The following ING5 variants were observed in gnomAD, a reference collection of about 807,000 sequenced individuals.
The protein encoded by ING5 is inhibitor of growth family member 5.
In ING5, 17 loss-of-function variants were observed where a neutral mutation model predicts 37.4. The ratio of observed to expected loss-of-function variants is 0.45; its 90% confidence interval spans 0.31 to 0.68. ING5 has a LOEUF of 0.68. Ranked by LOEUF, ING5 falls within the 30% of genes least tolerant of loss-of-function variation. The probability of loss-of-function intolerance (pLI) is 0.05; values close to 1 mark genes in which losing one functional copy is unlikely to be tolerated. For missense variants in ING5, 233 were observed against 311.9 expected (o/e 0.75, Z 1.91); for synonymous variants, 123 against 116.6 (o/e 1.06, Z -0.36).
At chr2:241,698,496 AGTGTGTGTGTGTGTGTGTGT>A (rs199798593), upstream of ING5, among the ~76,000 whole-genome samples, 9 of 147,526 alleles carry the variant, frequency 6.1e-5, no homozygotes, top group East Asian at 2.0e-4. Context: ...ATAATAGAGG[AGTGTGTGTGTGTGTGTGTGT>A]GTGTGTGTGT....
rs879342736 is a variant in ING5 at position 241,728,783 on chromosome 2, G to A, written c.*3752G>A. On this transcript the variant is annotated 3_prime_UTR_variant, in exon 8 of 8. Transcript: ENST00000313552. Reference sequence around the variant, plus strand: ...CTGCCTGAGCAGCAGCTGACCGCCCGTCTCACTGTTGGCCAGGGCTTTGTG... The same window carrying A: ...CTGCCTGAGCAGCAGCTGACCGCCCATCTCACTGTTGGCCAGGGCTTTGTG... 14 of 152,486 alleles carry A rather than the reference G, an allele frequency of 9.2e-5. No homozygotes were observed. The highest frequency in any genetic ancestry group is 7.7e-4 in the East Asian group (4 of 5,188). 9.4% of individuals were successfully genotyped at this position (152,486 alleles called of 1,614,324 possible). A position where few individuals can be genotyped will look rare whatever the true frequency, so the allele number is the denominator to read the frequency against.
chr2:241,701,070 C>T (rs1417002166), upstream of ING5, among the ~76,000 whole-genome samples: 4 of 150,110 alleles, frequency 2.7e-5, no homozygotes, highest in Non-Finnish European at 5.9e-5. Flanking sequence ...CTCCCGGGCT[C>T]AGCCTCCGGA....
chr2:241,724,212 A>G lies in ING5; in HGVS notation c.681-777A>G, dbSNP rs376363713. ...TATCCTTGGTGTTCGGTGTGAGGAC[A>G]CAGGGAAAGGATGCCGTGTCTCGGA... On this transcript the variant is annotated intron_variant, in intron 7 of 7. Transcript: ENST00000313552. Among the ~76,000 whole-genome samples, 6 of 152,110 alleles carry G rather than the reference A, an allele frequency of 3.9e-5. No homozygotes were observed. The South Asian group carries it at 1.3e-3, about 32-fold the overall frequency.
At position 241,711,481 on chromosome 2, in the gene ING5, G is replaced by A; in HGVS notation, c.381G>A (p.Gly127=). 2 of 1,596,886 alleles carry A rather than the reference G, an allele frequency of 1.3e-6. No homozygotes were observed. Among genetic ancestry groups the A allele is most frequent in the Admixed American group, 1.8e-5 (1 of 55,686 alleles). The change falls in exon 4 of 8, where the codon GGG becomes GGA. Residue 127 remains glycine, a synonymous_variant. Coordinates refer to ENST00000313552, the MANE Select transcript of ING5 (RefSeq NM_032329.6). ...GSDFESSGGR[G]LKKGRGQKEK... ...ATTTTGAAAGCTCCGGAGGGCGAGG[G>A]TTAAAAAGCAAGTCTGTTAATTTTT...
At chr2:241,687,186 T>C (rs903613062) in exon 1 of ING5, 1 of 393,994 alleles carries the variant, frequency 2.5e-6, no homozygotes, top group Non-Finnish European at 4.5e-6. Context: ...TCGGCTCTCG[T>C]TGGCCCCTGG....
exon 1 of ING5, chr2:241,687,406 TG>T (rs1015761991): frequency 1.3e-5 from 5 of 398,846 alleles, no homozygotes; most frequent in Non-Finnish European, 2.2e-5. Flanking sequence ...AGGGGCAGGA[TG>T]GGGGGCTGTG....
chr2:241,724,253 C>T (rs935105516), intron 7 of ING5, among the ~76,000 whole-genome samples: 2 of 152,178 alleles, frequency 1.3e-5, no homozygotes, highest in East Asian at 1.9e-4. Context: ...GCCGAGCTCA[C>T]GGTGTCATGT....
chr2:241,716,091 G>A (rs186269846), intron 5 of ING5, among the ~76,000 whole-genome samples: 178 of 151,788 alleles, frequency 1.2e-3, no homozygotes, highest in Non-Finnish European at 2.0e-3. Context: ...ATGAGCCACC[G>A]CACCCGGCCT....
intron 2 of ING5, among the ~76,000 whole-genome samples, chr2:241,705,272 G>T (rs988878580): frequency 8.6e-5 from 13 of 151,558 alleles, no homozygotes; most frequent in African/African-American, 2.9e-4. Context: ...TAGAGACGGG[G>T]TTTCACCGTG....
At position 241,726,382 on chromosome 2, in the gene ING5, G is replaced by A. The variant is rs893336787; in HGVS notation, c.*1351G>A. On this transcript the variant is annotated 3_prime_UTR_variant, in exon 8 of 8. Coordinates refer to ENST00000313552, the MANE Select transcript of ING5 (RefSeq NM_032329.6). ...CCTGTGTTTAATGTTTCACTAGGGA[G>A]AGGAAATAAAGCAGAAGGAACGTGT... The A allele has an allele frequency of 6.6e-6, 1 of 152,248 alleles. No individual in the cohort carries two copies. Among genetic ancestry groups the A allele is most frequent in the African/African-American group, 2.4e-5 (1 of 41,450 alleles). The allele number at this position is 152,248 out of a possible 1,614,324, so 9.4% of individuals were successfully genotyped here. A position where few individuals can be genotyped will look rare whatever the true frequency, so the allele number is the denominator to read the frequency against.
chr2:241,724,365 G>A (rs956788197), intron 7 of ING5, among the ~76,000 whole-genome samples: 3 of 152,236 alleles, frequency 2.0e-5, no homozygotes, highest in Non-Finnish European at 2.9e-5. Context: ...GAAGGGGTAC[G>A]GAGGCTGTTA....
At chr2:241,704,803 AG>A in intron 2 of ING5, 79 bp downstream of exon 2, 2 of 1,176,240 alleles carry the variant, frequency 1.7e-6, no homozygotes, top group Non-Finnish European at 1.3e-6. Context: ...CTGGGGGCAG[AG>A]GGTTTTGAGG....
At chr2:241,703,131 G>A (rs1185104263) in intron 1 of ING5, among the ~76,000 whole-genome samples, 1 of 152,198 alleles carries the variant, frequency 6.6e-6, no homozygotes, top group African/African-American at 2.4e-5. Context: ...CACGCTGGAG[G>A]GGAGGCCTTC....
chr2:241,693,132 G>A (rs535303881), intron 2 of ING5, among the ~76,000 whole-genome samples: 44 of 151,630 alleles, frequency 2.9e-4, no homozygotes, highest in Non-Finnish European at 5.2e-4. Flanking sequence ...GGTGACGGGC[G>A]CCTGTAATCC....
chr2:241,725,185 C>G lies in ING5; in HGVS notation c.*154C>G, dbSNP rs1298698623. Reference sequence around the variant, plus strand: ...TGGATGTTTCCTAGAACAAGAACCACCAAAGCCTGTTCGCACAGAAGGGCG... The same window carrying G: ...TGGATGTTTCCTAGAACAAGAACCAGCAAAGCCTGTTCGCACAGAAGGGCG... On this transcript the variant is annotated 3_prime_UTR_variant, in exon 8 of 8. Coordinates refer to ENST00000313552, the MANE Select transcript of ING5 (RefSeq NM_032329.6). The G allele has an allele frequency of 2.4e-6, 2 of 819,756 alleles. No homozygotes were observed. The highest frequency in any genetic ancestry group is 4.0e-6 in the Non-Finnish European group (2 of 497,830). The allele number at this position is 819,756 out of a possible 1,614,324, so 50.8% of individuals were successfully genotyped here. A position where few individuals can be genotyped will look rare whatever the true frequency, so the allele number is the denominator to read the frequency against.
upstream of ING5, chr2:241,702,038 C>G: frequency 7.3e-7 from 1 of 1,368,456 alleles, no homozygotes; most frequent in Non-Finnish European, 9.5e-7. Flanking sequence ...CCCGCCCGCG[C>G]AGACCCCGAG....
intron 5 of ING5, chr2:241,721,714 T>C (rs1358163588): frequency 2.0e-6 from 2 of 985,350 alleles, no homozygotes; most frequent in African/African-American, 3.5e-5. Flanking sequence ...TACTTTTTCT[T>C]TCTGTACTAA....
At chr2:241,696,418 C>T (rs554369388) in intron 2 of ING5, among the ~76,000 whole-genome samples, 1 of 151,564 alleles carries the variant, frequency 6.6e-6, no homozygotes, top group East Asian at 1.9e-4. Context: ...CAAAAACCCC[C>T]CAAAACAAAA....
In ING5 at chr2:241,720,132, G is replaced by C. The variant is rs529756393; in HGVS notation, c.483-2807G>C. 401 of 1,238,060 alleles carry C rather than the reference G, an allele frequency of 3.2e-4. 3 individuals are homozygous for C. In the South Asian group the frequency reaches 6.8e-3, roughly 21 times the overall value. 76.7% of individuals were successfully genotyped at this position (1,238,060 alleles called of 1,614,324 possible). ...AGACGGGTCATCCTGAGGACCAGTC[G>C]GTTGGACCCAAAGCCTGGCCTGCCG... On this transcript the variant is annotated intron_variant, in intron 5 of 7. Transcript: ENST00000313552.
Sources: allele counts gnomAD v4.1 joint callset (sites outside exome capture counted in the v4.1 genomes callset), GRCh38; gene constraint gnomAD v4.1.1; transcripts MANE v1.5; gene names NCBI Gene and HGNC (gene_info 2026-07-23, HGNC 2026-07-21).